The following RC3H2 variants were observed in gnomAD, a reference collection of about 807,000 sequenced individuals.
RC3H2 encodes ring finger and CCCH-type domains 2.
In RC3H2, 31 loss-of-function variants were observed where a neutral mutation model predicts 133.3. The observed-to-expected ratio is 0.23, with a 90% CI of 0.17 to 0.31. The LOEUF (loss-of-function observed/expected upper bound fraction) is 0.31. Among genes scored for constraint, RC3H2 ranks in the 10% least tolerant of loss-of-function variants. RC3H2 has a pLI of 1.00. For missense variants in RC3H2, 1,175 were observed against 1,437.2 expected, an observed-to-expected ratio of 0.82 and a Z score of 2.95; for synonymous variants, 517 against 502.2, an observed-to-expected ratio of 1.03 and a Z score of -0.40.
At chr9:122,875,515 A>G (rs571109014) in intron 9 of RC3H2, 1 of 1,231,826 alleles carries the variant, frequency 8.1e-7, no homozygotes, top group Non-Finnish European at 1.1e-6. Context: ...GAGTGGTTGT[A>G]ACAGATTCTG....
At chr9:122,887,145 C>T (rs80042045) in intron 4 of RC3H2, among the ~76,000 whole-genome samples, 2,625 of 152,216 alleles carry the variant, frequency 0.017, 88 homozygotes, top group African/African-American at 0.06. Flanking sequence ...CTTGCTGAAG[C>T]CCATTAATAC....
Position 122,890,556 on chromosome 9 carries a change from A to T in RC3H2, c.350-11T>A, listed in dbSNP as rs780411563. On this transcript the variant is annotated splice_polypyrimidine_tract_variant and intron_variant, in intron 3 of 20. Coordinates refer to ENST00000357244, the MANE Select transcript of RC3H2 (RefSeq NM_001100588.3). ...TCAAGCTAGCTACACCTTTAGGAAA[A>T]GGGAAACAAAGGGAGCTAAAGTTTT... 5.7e-6 allele frequency: 9 copies of T among 1,565,878 alleles called. No individual in the cohort carries two copies. The African/African-American group carries it at 1.1e-4, about 19-fold the overall frequency.
chr9:122,849,919 G>A, intron 20 of RC3H2, 97 bp from the exon 21 acceptor site: 1 of 733,820 alleles, frequency 1.4e-6, no homozygotes, highest in African/African-American at 1.8e-5. Flanking sequence ...GCAAACTTTA[G>A]GAGTCTCTAG....
intron 3 of RC3H2, among the ~76,000 whole-genome samples, chr9:122,891,425 A>C (rs1027973412): frequency 3.9e-5 from 6 of 152,154 alleles, no homozygotes; most frequent in African/African-American, 1.4e-4. Flanking sequence ...ATTGTAGATC[A>C]CTACAATTGA....
At chr9:122,885,811 T>C (rs1831885367) in intron 4 of RC3H2, among the ~76,000 whole-genome samples, 1 of 152,208 alleles carries the variant, frequency 6.6e-6, no homozygotes, top group African/African-American at 2.4e-5. Flanking sequence ...TCATACACTC[T>C]ATACACAGCC....
At chr9:122,868,090 G>A (rs1194989574) in intron 9 of RC3H2, among the ~76,000 whole-genome samples, 4 of 136,298 alleles carry the variant, frequency 2.9e-5, no homozygotes, top group East Asian at 2.3e-4. Flanking sequence ...CACCCCGCCC[G>A]GCCAGCCACC....
chr9:122,897,657 A>T, intron 1 of RC3H2, 81 bp from the exon 2 acceptor site: 3 of 924,424 alleles, frequency 3.2e-6, no homozygotes, highest in Middle Eastern at 3.3e-4. Context: ...CAACTATTAC[A>T]GCTTCAGACC....
intron 16 of RC3H2, 60 bp downstream of exon 16, chr9:122,854,471 C>T: frequency 1.5e-6 from 2 of 1,325,684 alleles, no homozygotes; most frequent in Non-Finnish European, 1.1e-6. Flanking sequence ...AGAATGTGTA[C>T]CCTTAAGATA....
At chr9:122,852,758 G>T (rs1181239760) in intron 18 of RC3H2, among the ~76,000 whole-genome samples, 5 of 145,754 alleles carry the variant, frequency 3.4e-5, no homozygotes, top group Admixed American at 6.8e-5. Context: ...GGAGGGAGGT[G>T]GGGGGGTCAG....
intron 2 of RC3H2, 96 bp downstream of exon 2, chr9:122,897,183 G>T: frequency 2.0e-6 from 2 of 1,019,570 alleles, no homozygotes; most frequent in Non-Finnish European, 1.5e-6. Context: ...GATGTCCTGG[G>T]CCACATGTAG....
intron 1 of RC3H2, among the ~76,000 whole-genome samples, chr9:122,899,094 T>TGG (rs1832550485): frequency 1.2e-4 from 13 of 112,462 alleles, no homozygotes; most frequent in Admixed American, 8.5e-4. Flanking sequence ...TATTGTGTTT[T>TGG]TTTTTTTTTT....
chr9:122,854,258 A>T lies in RC3H2; in HGVS notation c.2909T>A (p.Phe970Tyr). The T allele has an allele frequency of 6.2e-7, 1 of 1,611,684 alleles. No homozygotes were observed. Among genetic ancestry groups the T allele is most frequent in the Non-Finnish European group, 8.5e-7 (1 of 1,178,478 alleles). Residue 970 changes from phenylalanine (F) to tyrosine (Y), a missense_variant, in exon 17 of 21, where the codon TTC becomes TAC. Physicochemically the swap from Phe to Tyr is conservative, Grantham distance 22. Coordinates refer to ENST00000357244, the MANE Select transcript of RC3H2 (RefSeq NM_001100588.3). ...SSAHYVERDR[F>Y]IVTDLSGHRK... ...ATGACCAGATAAATCAGTAACAATGAATCTGTCCCTTTAAAGAGAAATATG... is the reference window on the plus strand; with the variant it reads ...ATGACCAGATAAATCAGTAACAATGTATCTGTCCCTTTAAAGAGAAATATG...
chr9:122,852,979 A>T (rs533423963), intron 18 of RC3H2, among the ~76,000 whole-genome samples: 3,854 of 152,074 alleles, frequency 0.025, 60 homozygotes, highest in South Asian at 0.067. Context: ...ATCGGATGGT[A>T]GCCGTGTCTG....
In RC3H2 at chr9:122,883,307, A is replaced by G; in HGVS notation, c.656T>C (p.Leu219Pro). The change falls in exon 5 of 21, where the codon CTG becomes CCG. Residue 219 changes from leucine (L) to proline (P), a missense_variant. Around this residue, in one of 8 missense-constraint regions of RC3H2, gnomAD observed 121 missense variants for 243.5 expected, o/e 0.50. Transcript: ENST00000357244. Reference protein sequence around the residue: ...EDGSALSRKVLVLFVVQRLEP... With the variant: ...EDGSALSRKVPVLFVVQRLEP... ...TAGTCTCTGCACAACAAAAAGTACC[A>G]GAACTTTCCTTGAGAGGGCAGAACC... 6.2e-7 allele frequency: 1 copy of G among 1,613,938 alleles called. No individual in the cohort carries two copies. The highest frequency in any genetic ancestry group is 8.5e-7 in the Non-Finnish European group (1 of 1,179,922).
chr9:122,857,876 C>T (rs778262365), intron 13 of RC3H2, 47 bp downstream of exon 13: 1 of 1,522,010 alleles, frequency 6.6e-7, no homozygotes, highest in East Asian at 2.3e-5. Context: ...TTGAAGTCAG[C>T]TGTTTGACCT....
At chr9:122,856,347 G>A (rs527943117) in intron 13 of RC3H2, among the ~76,000 whole-genome samples, 1 of 152,322 alleles carries the variant, frequency 6.6e-6, no homozygotes, top group Admixed American at 6.5e-5. Context: ...CGACTTCCCA[G>A]GCTCAGGTGA....
At position 122,858,670 on chromosome 9, in the gene RC3H2, C is replaced by T. The variant is rs199990103; in HGVS notation, c.2282G>A (p.Arg761Lys). The T allele has an allele frequency of 4.2e-4, 679 of 1,605,372 alleles. 3 individuals carry two copies. The highest frequency in any genetic ancestry group is 6.0e-5 in the Non-Finnish European group (71 of 1,177,722). ...SEPRTTVPLP[R>K]EPCGHLKTSC... ...CATTATAGTAGCATCTTCACTTACC[C>T]TTGGTAAAGGCACAGTTGTCCTTGG... The change falls in exon 12 of 21, where the codon AGG becomes AAG. Residue 761 changes from arginine to lysine, a missense_variant and splice_region_variant. This residue lies in a region of RC3H2 where 490 missense variants were observed against 492.8 expected (regional missense o/e 0.99). Coordinates refer to ENST00000357244, the MANE Select transcript of RC3H2 (RefSeq NM_001100588.3).
intron 4 of RC3H2, among the ~76,000 whole-genome samples, chr9:122,885,763 A>C (rs1588100901): frequency 6.6e-6 from 1 of 152,090 alleles, no homozygotes; most frequent in South Asian, 2.1e-4. Flanking sequence ...CATTTTCATC[A>C]CCCCAAAGGA....
intron 1 of RC3H2, 125 bp from the exon 2 acceptor site, chr9:122,897,701 A>G (rs776368274): frequency 3.1e-4 from 204 of 666,602 alleles, no homozygotes; most frequent in Non-Finnish European, 4.3e-4. Context: ...TAACCTTTGG[A>G]TGTCTTTTTT....
Sources: allele counts gnomAD v4.1 joint callset (sites outside exome capture counted in the v4.1 genomes callset), GRCh38; gene constraint gnomAD v4.1.1; regional missense constraint gnomAD v4.1.1; transcripts MANE v1.5; gene names NCBI Gene and HGNC (gene_info 2026-07-23, HGNC 2026-07-21).